RUFY3: variants seen among roughly 807,000 people sequenced by gnomAD.
RUFY3 encodes protein RUFY3.
Under a neutral mutation model 84.0 loss-of-function variants are expected in RUFY3, and 34 were observed. That is an observed-to-expected ratio of 0.40 (90% CI 0.31 to 0.54). The LOEUF is 0.54. RUFY3 is among the 20% of genes least tolerant of loss of function. RUFY3 has a pLI of 0.39. For missense variants in RUFY3, 507 were observed against 736.8 expected, an observed-to-expected ratio of 0.69 and a Z score of 3.61; for synonymous variants, 242 against 252.9, an observed-to-expected ratio of 0.96 and a Z score of 0.41.
intron 10 of RUFY3, among the ~76,000 whole-genome samples, chr4:70,786,096 G>T (rs1005920209): frequency 2.0e-5 from 3 of 152,208 alleles, no homozygotes; most frequent in African/African-American, 4.8e-5. Context: ...CCTGTCATTT[G>T]TGGCAACATG....
intron 1 of RUFY3, among the ~76,000 whole-genome samples, chr4:70,715,303 T>A (rs979262532): frequency 6.6e-6 from 1 of 152,120 alleles, no homozygotes; most frequent in Non-Finnish European, 1.5e-5. Context: ...CTTTCATGGC[T>A]GGATGCGGTG....
At chr4:70,740,994 G>C (rs1167160032) in intron 1 of RUFY3, among the ~76,000 whole-genome samples, 1 of 152,108 alleles carries the variant, frequency 6.6e-6, no homozygotes, top group East Asian at 1.9e-4. Context: ...ATATTAATGT[G>C]CTTGATTGTA....
chr4:70,793,728 C>A, intron 12 of RUFY3, 57 bp from the exon 13 acceptor site: 1 of 1,613,020 alleles, frequency 6.2e-7, no homozygotes, highest in Non-Finnish European at 8.5e-7. Flanking sequence ...TGAACTTGGT[C>A]TTCTTCCCCA....
intron 17 of RUFY3, among the ~76,000 whole-genome samples, chr4:70,804,761 C>CAAAAAAAAAAAAA (rs1186156048): frequency 1.3e-5 from 1 of 76,848 alleles, no homozygotes. Flanking sequence ...ACTAAAAATA[C>CAAAAAAAAAAAAA]AAAAAAAAAA....
intron 3 of RUFY3, 64 bp downstream of exon 3, chr4:70,763,733 C>A: frequency 6.4e-7 from 1 of 1,560,666 alleles, no homozygotes; most frequent in Non-Finnish European, 8.7e-7. Flanking sequence ...CCTTGAAGAG[C>A]AAGACTAAAG....
Position 70,705,903 on chromosome 4 carries a change from C to A in RUFY3, c.358+609C>A, listed in dbSNP as rs564849508. Among the ~76,000 whole-genome samples, 4 of 152,304 alleles carry A rather than the reference C, an allele frequency of 2.6e-5. No homozygotes were observed. In the South Asian group the frequency reaches 8.3e-4, roughly 32 times the overall value. On this transcript the variant is annotated intron_variant, in intron 1 of 11. Coordinates refer to the RUFY3 transcript ENST00000417478. ...CGTCCCCCGGATTGGAAAGAGAAATCGGAGCGGTGCATGAGAAGACAAGAA... is the reference window on the plus strand; with the variant it reads ...CGTCCCCCGGATTGGAAAGAGAAATAGGAGCGGTGCATGAGAAGACAAGAA...
intron 1 of RUFY3, among the ~76,000 whole-genome samples, chr4:70,715,920 T>G (rs908151812): frequency 2.6e-5 from 4 of 152,078 alleles, no homozygotes; most frequent in Admixed American, 2.6e-4. Context: ...AAGACCATCC[T>G]GGCTAACCTG....
upstream of RUFY3, among the ~76,000 whole-genome samples, chr4:70,720,260 G>C (rs1445026547): frequency 6.6e-6 from 1 of 152,100 alleles, no homozygotes; most frequent in Non-Finnish European, 1.5e-5. Flanking sequence ...TGTTGCCCAG[G>C]CTGGTTTCAA....
intron 5 of RUFY3, among the ~76,000 whole-genome samples, chr4:70,772,379 T>C (rs1727116992): frequency 6.6e-6 from 1 of 152,008 alleles, no homozygotes; most frequent in Admixed American, 6.6e-5. Context: ...TAGTTAAGAG[T>C]AAAGGCTCTG....
In RUFY3 at chr4:70,806,996, G is replaced by A. The variant is rs1185832582; in HGVS notation, c.*337G>A. 5.7e-6 allele frequency: 1 copy of A among 174,792 alleles called. No homozygotes were observed. The highest frequency in any genetic ancestry group is 1.2e-5 in the Non-Finnish European group (1 of 83,080). The allele number at this position is 174,792 out of a possible 1,614,324, so 10.8% of individuals were successfully genotyped here. On this transcript the variant is annotated 3_prime_UTR_variant, in exon 18 of 18. Transcript: ENST00000381006. ...GGATTTAATAGGAGAGAGAATCCAG[G>A]CAGATAAGAATAAAAAGGAAAATGA...
chr4:70,728,230 G>A (rs1718618885), intron 1 of RUFY3, among the ~76,000 whole-genome samples: 1 of 152,194 alleles, frequency 6.6e-6, no homozygotes, highest in East Asian at 1.9e-4. Flanking sequence ...GCCAACAGTT[G>A]CGCAAAATCA....
intron 9 of RUFY3, 61 bp downstream of exon 9, chr4:70,783,244 G>A (rs569376290): frequency 4.7e-6 from 5 of 1,061,896 alleles, no homozygotes; most frequent in South Asian, 2.7e-5. Flanking sequence ...TAGTGGTAAA[G>A]GGGAGTCTCT....
chr4:70,799,962 A>G (rs55821023), intron 14 of RUFY3, 179 bp from the exon 15 acceptor site: 31,332 of 530,390 alleles, frequency 0.059, 1,707 homozygotes, highest in East Asian at 0.21. Flanking sequence ...TGTCAGAATA[A>G]TTAAGAAACT....
intron 12 of RUFY3, chr4:70,789,920 T>G (rs749559764): frequency 5.3e-5 from 54 of 1,025,310 alleles, no homozygotes; most frequent in Non-Finnish European, 6.3e-5. Flanking sequence ...GACTCTTAAA[T>G]GTATGTATGT....
At chr4:70,713,765 G>A (rs1311454401) in intron 1 of RUFY3, among the ~76,000 whole-genome samples, 1 of 152,128 alleles carries the variant, frequency 6.6e-6, no homozygotes, top group African/African-American at 2.4e-5. Flanking sequence ...TATGAACTTA[G>A]GAAATCTGAT....
In RUFY3 at chr4:70,741,293, C is replaced by G. The variant is rs577493598; in HGVS notation, c.178+18542C>G. Among the ~76,000 whole-genome samples, 6 of 151,922 alleles carry G rather than the reference C, an allele frequency of 3.9e-5. No individual in the cohort carries two copies. The South Asian group carries it at 1.2e-3, about 32-fold the overall frequency. Reference sequence around the variant, plus strand: ...TAATAGTTGAGTTAGATTAATGTCGCCTACACTTAGAATACAAAGAGCCTT... The same window carrying G: ...TAATAGTTGAGTTAGATTAATGTCGGCTACACTTAGAATACAAAGAGCCTT... On this transcript the variant is annotated intron_variant, in intron 1 of 17. Transcript: ENST00000381006.
intron 1 of RUFY3, among the ~76,000 whole-genome samples, chr4:70,707,903 A>G (rs981214018): frequency 2.0e-4 from 30 of 152,202 alleles, no homozygotes; most frequent in African/African-American, 7.0e-4. Flanking sequence ...TCAATGGAAT[A>G]TTGCTTTCTG....
chr4:70,725,407 T>C (rs1235162587), intron 1 of RUFY3, among the ~76,000 whole-genome samples: 1 of 152,018 alleles, frequency 6.6e-6, no homozygotes, highest in Admixed American at 6.6e-5. Context: ...CTTGGCTCAC[T>C]GAAAACTCTG....
rs373552671 is a variant in RUFY3 at position 70,710,980 on chromosome 4, G to A, written c.358+5686G>A. ...CTGGGGAAGCTGAGGCAGGAGAACCGCTTGAACCCAGGAGGCAGAGGTTAC... is the reference window on the plus strand; with the variant it reads ...CTGGGGAAGCTGAGGCAGGAGAACCACTTGAACCCAGGAGGCAGAGGTTAC... On this transcript the variant is annotated intron_variant, in intron 1 of 11. Coordinates refer to the RUFY3 transcript ENST00000417478. Among the ~76,000 whole-genome samples the A allele has an allele frequency of 2.7e-4, 39 of 145,080 alleles. No homozygotes were observed. The South Asian group carries it at 7.8e-3, about 29-fold the overall frequency.
Sources: allele counts gnomAD v4.1 joint callset (sites outside exome capture counted in the v4.1 genomes callset), GRCh38; gene constraint gnomAD v4.1.1; transcripts MANE v1.5; gene names NCBI Gene and HGNC (gene_info 2026-07-23, HGNC 2026-07-21).